Variants in BCAP29 observed in about 807,000 individuals in gnomAD.
The protein encoded by BCAP29 is B-cell receptor-associated protein 29.
In BCAP29, 34 loss-of-function variants were observed where a neutral mutation model predicts 31.8. That is an observed-to-expected ratio of 1.07 (90% confidence interval 0.81 to 1.42). BCAP29 has a LOEUF of 1.42. Ranked by LOEUF, BCAP29 falls within the 40% of genes most tolerant of loss-of-function variation. BCAP29 has a pLI of 0.00. For missense variants in BCAP29, 314 were observed against 269.2 expected (o/e 1.17, Z -1.16); for synonymous variants, 104 against 91.3 (o/e 1.14, Z -0.79).
In BCAP29 at chr7:107,618,321, CT is replaced by C. The variant is rs772976784; in HGVS notation, c.691-5del. ...GTACTACATAAATCATATTTTTTTC[CT>C]TACAGGATCGTTTAGAAAGAGGCAA... is the stretch of plus-strand genomic sequence containing the variant. On this transcript the variant is annotated splice_polypyrimidine_tract_variant and splice_region_variant and intron_variant, in intron 7 of 7. Transcript: ENST00000005259. The C allele has an allele frequency of 2.7e-5, 42 of 1,550,546 alleles. No individual in the cohort carries two copies. Among genetic ancestry groups the C allele is most frequent in the Non-Finnish European group, 3.5e-5 (40 of 1,148,850 alleles).
chr7:107,614,977 A>G (rs73189583), intron 7 of BCAP29, among the ~76,000 whole-genome samples: 6,321 of 152,246 alleles, frequency 0.042, 157 homozygotes, highest in Middle Eastern at 0.061. Flanking sequence ...TTTTCCCCCT[A>G]TTTGTGAGAT....
At chr7:107,590,233 T>C (rs533501003) in intron 3 of BCAP29, among the ~76,000 whole-genome samples, 1 of 152,272 alleles carries the variant, frequency 6.6e-6, no homozygotes, top group East Asian at 1.9e-4. Context: ...TTATATTGAA[T>C]ATTGACAGTG....
chr7:107,616,809 G>A (rs574641810), intron 7 of BCAP29, among the ~76,000 whole-genome samples: 33 of 152,230 alleles, frequency 2.2e-4, no homozygotes, highest in Admixed American at 2.0e-3. Context: ...CACAATCTCA[G>A]CTCGCTGCAA....
At chr7:107,598,913 A>G (rs1261661564) in intron 5 of BCAP29, among the ~76,000 whole-genome samples, 1 of 147,600 alleles carries the variant, frequency 6.8e-6, no homozygotes, top group Non-Finnish European at 1.5e-5. Context: ...ACACACACAC[A>G]CACACACACA....
chr7:107,618,130 CA>C (rs1814519458), intron 7 of BCAP29, among the ~76,000 whole-genome samples, 197 bp from the exon 8 acceptor site: 1 of 152,052 alleles, frequency 6.6e-6, no homozygotes, highest in South Asian at 2.1e-4. Context: ...ATGAACTTAC[CA>C]AGAGTGTTCT....
intron 3 of BCAP29, among the ~76,000 whole-genome samples, chr7:107,590,098 A>G (rs886476106): frequency 3.3e-5 from 5 of 152,242 alleles, no homozygotes; most frequent in African/African-American, 1.2e-4. Context: ...TGAAAATACA[A>G]TATATTAAAA....
chr7:107,603,209 A>T (rs1811487159), intron 6 of BCAP29, among the ~76,000 whole-genome samples: 1 of 151,920 alleles, frequency 6.6e-6, no homozygotes. Flanking sequence ...TGACCTTGTG[A>T]TCTGCCCGCG....
At chr7:107,599,309 T>TTTTA (rs1810671507) in intron 5 of BCAP29, among the ~76,000 whole-genome samples, 1 of 68,692 alleles carries the variant, frequency 1.5e-5, no homozygotes, top group South Asian at 3.6e-4. Flanking sequence ...TATATAAATT[T>TTTTA]TATATATATA....
At chr7:107,596,750 AT>A (rs1166864843) in intron 5 of BCAP29, among the ~76,000 whole-genome samples, 8 of 152,040 alleles carry the variant, frequency 5.3e-5, no homozygotes, top group Non-Finnish European at 1.0e-4. Context: ...GGAAAGTGTT[AT>A]TTTTTTCATA....
At chr7:107,605,239 A>C (rs1162428358) in intron 6 of BCAP29, among the ~76,000 whole-genome samples, 1 of 152,194 alleles carries the variant, frequency 6.6e-6, no homozygotes, top group Non-Finnish European at 1.5e-5. Context: ...ATTCAAAGAT[A>C]CCTTATATAT....
At chr7:107,615,695 C>CCA in intron 7 of BCAP29, 1 of 201,866 alleles carries the variant, frequency 5.0e-6, no homozygotes. Flanking sequence ...ATGCCAGACA[C>CCA]CATGCCGAGA....
intron 6 of BCAP29, among the ~76,000 whole-genome samples, chr7:107,612,695 A>G (rs1813449606): frequency 6.6e-6 from 1 of 151,974 alleles, no homozygotes; most frequent in African/African-American, 2.4e-5. Context: ...AGAAGCATTT[A>G]ATATCACTTA....
At chr7:107,604,797 C>T (rs1283158442) in intron 6 of BCAP29, among the ~76,000 whole-genome samples, 1 of 147,700 alleles carries the variant, frequency 6.8e-6, no homozygotes, top group Non-Finnish European at 1.5e-5. Flanking sequence ...ACACCTTTGT[C>T]CCTTCTTGTA....
intron 1 of BCAP29, 143 bp from the exon 2 acceptor site, chr7:107,580,616 C>G (rs765087328): frequency 3.2e-5 from 19 of 592,452 alleles, no homozygotes; most frequent in Non-Finnish European, 5.5e-5. Context: ...TTTTCCCCTT[C>G]CTGACCGGGG....
At chr7:107,615,282 G>T in intron 7 of BCAP29, 1 of 456,660 alleles carries the variant, frequency 2.2e-6, no homozygotes, top group Non-Finnish European at 4.4e-6. Context: ...TGCATTCTTG[G>T]TAAAGGAAGT....
chr7:107,610,831 A>C (rs1315783922), intron 6 of BCAP29, among the ~76,000 whole-genome samples: 1 of 152,232 alleles, frequency 6.6e-6, no homozygotes, highest in African/African-American at 2.4e-5. Flanking sequence ...TTTATTAAAT[A>C]ACTTCTTAAT....
At chr7:107,615,836 A>G (rs1424890993) in intron 7 of BCAP29, 2 of 155,340 alleles carry the variant, frequency 1.3e-5, no homozygotes, top group Admixed American at 6.2e-5. Context: ...GGCTTCGTAT[A>G]TGTTGTTTTG....
chr7:107,621,006 G>A (rs915014287), downstream of BCAP29: 1 of 152,190 alleles, frequency 6.6e-6, no homozygotes, highest in African/African-American at 2.4e-5. Context: ...TTCCTCATTG[G>A]GCCTGCTAGC....
chr7:107,601,355 A>C (rs1002231571), intron 6 of BCAP29, among the ~76,000 whole-genome samples: 1 of 152,218 alleles, frequency 6.6e-6, no homozygotes, highest in Admixed American at 6.5e-5. Flanking sequence ...GGTGTATTTG[A>C]ATTTGAGATG....
Sources: allele counts gnomAD v4.1 joint callset (sites outside exome capture counted in the v4.1 genomes callset), GRCh38; gene constraint gnomAD v4.1.1; transcripts MANE v1.5; gene names NCBI Gene and HGNC (gene_info 2026-07-23, HGNC 2026-07-21).